Variants in CCP110 observed in about 807,000 individuals in gnomAD.
CCP110 encodes the protein centriolar coiled-coil protein 110, also known as centriolar coiled-coil protein of 110 kDa.
In CCP110, 43 loss-of-function variants were observed where a neutral mutation model predicts 105.5. The ratio of observed to expected loss-of-function variants is 0.41; its 90% confidence interval spans 0.32 to 0.53. The LOEUF is 0.53. Ranked by LOEUF, CCP110 falls within the 20% of genes least tolerant of loss-of-function variation. CCP110 has a pLI of 0.32. For missense variants in CCP110, 1,016 were observed against 1,189.1 expected (o/e 0.85, Z 2.14); for synonymous variants, 353 against 392.1 (o/e 0.90, Z 1.18).
chr16:19,551,458 T>C lies in CCP110; in HGVS notation c.*210T>C, dbSNP rs1970639653. The C allele has an allele frequency of 1.0e-5, 6 of 588,190 alleles. No individual in the cohort carries two copies. The South Asian group carries it at 1.2e-4, about 12-fold the overall frequency. 36.4% of individuals were successfully genotyped at this position (588,190 alleles called of 1,614,324 possible). A position where few individuals can be genotyped will look rare whatever the true frequency, so the allele number is the denominator to read the frequency against. On this transcript the variant is annotated 3_prime_UTR_variant, in exon 15 of 15. Transcript: ENST00000381396. The stretch of plus-strand genomic sequence containing the variant: ...AATAATACGTTTGGGTGAAGACAAA[T>C]TAGTGTTTAGTAATTGCATCATCTC...
At chr16:19,538,932 C>T (rs1159967459) in intron 4 of CCP110, among the ~76,000 whole-genome samples, 2 of 151,502 alleles carry the variant, frequency 1.3e-5, no homozygotes, top group Admixed American at 6.6e-5. Flanking sequence ...ACAAACATGG[C>T]GAAACCCCGT....
intron 4 of CCP110, among the ~76,000 whole-genome samples, chr16:19,539,909 C>T (rs1396215760): frequency 6.6e-6 from 1 of 151,882 alleles, no homozygotes; most frequent in Non-Finnish European, 1.5e-5. Flanking sequence ...AAGCGATTCT[C>T]CTGCTTCAGC....
chr16:19,544,910 G>T lies in CCP110; in HGVS notation c.2586+12G>T. The T allele has an allele frequency of 7.3e-7, 1 of 1,364,668 alleles. No individual in the cohort carries two copies. Among genetic ancestry groups the T allele is most frequent in the Non-Finnish European group, 1.0e-6 (1 of 963,734 alleles). The allele number at this position is 1,364,668 out of a possible 1,614,324, so 84.5% of individuals were successfully genotyped here. ...GAGTGTTAGCTCAGGTAAATACATG[G>T]ATCCTGAAGGCTTTTAAGACATGGA... On this transcript the variant is annotated intron_variant, in intron 9 of 14. Coordinates refer to ENST00000381396, the Ensembl canonical transcript of CCP110.
At chr16:19,542,726 G>A in exon 7 of CCP110, 1 of 1,613,516 alleles carries the variant, frequency 6.2e-7, no homozygotes, top group Non-Finnish European at 8.5e-7. Flanking sequence ...TCAGTAACAA[G>A]GCCTTTTGGA....
exon 2 of CCP110, chr16:19,527,867 T>C: frequency 6.2e-7 from 1 of 1,608,650 alleles, no homozygotes; most frequent in Non-Finnish European, 8.5e-7. Context: ...TCTCTTGTAG[T>C]GTGACTGTGG....
At chr16:19,533,771 T>C (rs530887062) in intron 3 of CCP110, among the ~76,000 whole-genome samples, 9 of 152,170 alleles carry the variant, frequency 5.9e-5, no homozygotes, top group Non-Finnish European at 1.3e-4. Context: ...TTTTGGGGCC[T>C]ACGAGGAATT....
intron 2 of CCP110, among the ~76,000 whole-genome samples, chr16:19,531,669 A>G (rs1597253149): frequency 1.3e-5 from 2 of 152,334 alleles, no homozygotes; most frequent in Admixed American, 1.3e-4. Flanking sequence ...ATCCAGTGAA[A>G]TAAGATACTG....
At chr16:19,553,080 TTG>T (rs1162011285) in exon 15 of CCP110, 51 of 152,326 alleles carry the variant, frequency 3.3e-4, no homozygotes, top group Admixed American at 3.1e-3. Flanking sequence ...TGTGCACTTT[TTG>T]TGTGTGTAAT....
chr16:19,532,359 C>T, intron 2 of CCP110, 57 bp from the exon 3 acceptor site: 2 of 1,450,404 alleles, frequency 1.4e-6, no homozygotes, highest in Non-Finnish European at 1.9e-6. Context: ...TCACAACTTC[C>T]CGATTTTATG....
intron 4 of CCP110, among the ~76,000 whole-genome samples, chr16:19,539,400 C>T (rs910374247): frequency 4.7e-5 from 7 of 150,518 alleles, no homozygotes; most frequent in African/African-American, 7.4e-5. Flanking sequence ...GGTCTTGCTC[C>T]GTCACCCAGG....
intron 3 of CCP110, among the ~76,000 whole-genome samples, chr16:19,533,221 G>C (rs909062544): frequency 6.9e-6 from 1 of 145,058 alleles, no homozygotes; most frequent in Non-Finnish European, 1.5e-5. Flanking sequence ...TGGTTTGTCT[G>C]TTTAATTCGT....
intron 4 of CCP110, 65 bp downstream of exon 4, chr16:19,537,652 G>C: frequency 1.1e-6 from 1 of 920,414 alleles, no homozygotes; most frequent in East Asian, 2.7e-5. Flanking sequence ...ACTCTTAATT[G>C]ACATTTTTGG....
chr16:19,541,959 A>T, exon 6 of CCP110: 3 of 1,611,502 alleles, frequency 1.9e-6, no homozygotes, highest in Non-Finnish European at 2.5e-6. Flanking sequence ...GTTGGACATT[A>T]ACAATGCAGT....
At chr16:19,534,502 T>A (rs1969980151) in intron 3 of CCP110, among the ~76,000 whole-genome samples, 2 of 152,212 alleles carry the variant, frequency 1.3e-5, no homozygotes, top group South Asian at 4.1e-4. Context: ...ATAAACAACA[T>A]AGCTTCCGAA....
intron 14 of CCP110, among the ~76,000 whole-genome samples, chr16:19,549,994 A>G (rs1970581905): frequency 1.3e-5 from 2 of 152,332 alleles, no homozygotes; most frequent in Middle Eastern, 3.4e-3. Flanking sequence ...TGAACTATTG[A>G]GGTTAAATTG....
intron 1 of CCP110, among the ~76,000 whole-genome samples, chr16:19,524,397 A>C (rs1597244024): frequency 6.6e-6 from 1 of 150,392 alleles, no homozygotes; most frequent in South Asian, 2.1e-4. Context: ...TGGTGAATAA[A>C]ACTCGGGCCA....
chr16:19,540,062 C>T (rs1211905318), intron 4 of CCP110, among the ~76,000 whole-genome samples: 15 of 151,980 alleles, frequency 9.9e-5, no homozygotes, highest in African/African-American at 2.9e-4. Context: ...GGATTACAGA[C>T]GTGAGCCACC....
At chr16:19,531,602 C>A (rs1969868981) in intron 2 of CCP110, among the ~76,000 whole-genome samples, 1 of 152,114 alleles carries the variant, frequency 6.6e-6, no homozygotes, top group South Asian at 2.1e-4. Flanking sequence ...TTTTTTGAGG[C>A]AGCAAAGAGT....
At chr16:19,531,273 T>C (rs577048361) in intron 2 of CCP110, among the ~76,000 whole-genome samples, 1 of 152,234 alleles carries the variant, frequency 6.6e-6, no homozygotes, top group African/African-American at 2.4e-5. Context: ...CAAAATGTGA[T>C]GTTTATGGAC....
Sources: gnomAD v4.1 joint callset for allele counts (sites outside exome capture counted in the v4.1 genomes callset) on GRCh38, gnomAD v4.1.1 for gene constraint, MANE v1.5 for transcripts, NCBI Gene and HGNC (gene_info 2026-07-23, HGNC 2026-07-21) for gene names.